Variants in MYOZ2 observed in about 807,000 individuals in gnomAD.
MYOZ2 encodes myozenin 2.
Under a neutral mutation model 25.4 loss-of-function variants are expected in MYOZ2, and 19 were observed. The ratio of observed to expected loss-of-function variants is 0.75; its 90% CI spans 0.52 to 1.10. MYOZ2 has a LOEUF of 1.10. Ranked by LOEUF, MYOZ2 falls within the 50% of genes least tolerant of loss-of-function variation. The pLI is 0.00. For synonymous variants in MYOZ2, 92 were observed against 106.9 expected (o/e 0.86, Z 0.86); for missense variants, 270 against 317.9 (o/e 0.85, Z 1.15).
At chr4:119,178,432 T>C (rs903124082) in intron 5 of MYOZ2, among the ~76,000 whole-genome samples, 1 of 152,152 alleles carries the variant, frequency 6.6e-6, no homozygotes, top group Non-Finnish European at 1.5e-5. Flanking sequence ...AAAATTAACA[T>C]GTCAAATGAA....
At chr4:119,141,307 T>C (rs186829985) in intron 2 of MYOZ2, among the ~76,000 whole-genome samples, 24 of 152,328 alleles carry the variant, frequency 1.6e-4, no homozygotes, top group African/African-American at 5.3e-4. Flanking sequence ...TGGATTAGAT[T>C]AACTCATCTA....
intron 2 of MYOZ2, among the ~76,000 whole-genome samples, chr4:119,145,783 TG>T (rs915942342): frequency 2.2e-4 from 34 of 152,250 alleles, no homozygotes; most frequent in African/African-American, 7.9e-4. Context: ...TATGTGACAT[TG>T]GTGATAATTG....
intron 2 of MYOZ2, among the ~76,000 whole-genome samples, chr4:119,143,530 A>G (rs1741219982): frequency 6.6e-6 from 1 of 152,180 alleles, no homozygotes; most frequent in East Asian, 1.9e-4. Context: ...TGGAAAGGAC[A>G]GACATTCAAA....
chr4:119,170,290 T>A (rs1454549955), intron 5 of MYOZ2, among the ~76,000 whole-genome samples: 1 of 151,998 alleles, frequency 6.6e-6, no homozygotes, highest in Non-Finnish European at 1.5e-5. Context: ...GTTGTTTTTT[T>A]TTTTTGTGGC....
intron 5 of MYOZ2, 148 bp downstream of exon 5, chr4:119,164,542 G>T: frequency 1.4e-6 from 1 of 707,230 alleles, no homozygotes; most frequent in Non-Finnish European, 2.3e-6. Flanking sequence ...TCTAAGCCTA[G>T]GCAAAGACTC....
intron 3 of MYOZ2, among the ~76,000 whole-genome samples, chr4:119,157,816 A>T (rs1247756194): frequency 1.3e-5 from 2 of 152,232 alleles, no homozygotes; most frequent in African/African-American, 2.4e-5. Context: ...GTCATCATAA[A>T]ATAGATCTTA....
chr4:119,152,661 A>C (rs547380190), intron 3 of MYOZ2, among the ~76,000 whole-genome samples: 1 of 152,104 alleles, frequency 6.6e-6, no homozygotes, highest in Non-Finnish European at 1.5e-5. Context: ...ACAATTTTTC[A>C]CTATTCCCTG....
At chr4:119,172,315 G>A (rs1741963134) in intron 5 of MYOZ2, among the ~76,000 whole-genome samples, 1 of 152,284 alleles carries the variant, frequency 6.6e-6, no homozygotes, top group Non-Finnish European at 1.5e-5. Flanking sequence ...GGAGACCAGA[G>A]TTTTATTATT....
intron 3 of MYOZ2, among the ~76,000 whole-genome samples, chr4:119,155,248 A>C (rs1291880773): frequency 6.6e-6 from 1 of 152,176 alleles, no homozygotes; most frequent in African/African-American, 2.4e-5. Context: ...CAACACTGGA[A>C]ATGAAATTTC....
At chr4:119,149,190 G>C (rs11098487) in intron 2 of MYOZ2, among the ~76,000 whole-genome samples, 1 of 151,996 alleles carries the variant, frequency 6.6e-6, no homozygotes, top group Non-Finnish European at 1.5e-5. Context: ...ATTGCTGGGA[G>C]AGGACAGGAG....
intron 4 of MYOZ2, among the ~76,000 whole-genome samples, chr4:119,160,945 G>A (rs200452762): frequency 8.0e-6 from 1 of 124,632 alleles, no homozygotes; most frequent in African/African-American, 3.0e-5. Context: ...ATAAATAACT[G>A]TATTATTCTT....
intron 2 of MYOZ2, among the ~76,000 whole-genome samples, chr4:119,140,931 G>A (rs888345130): frequency 1.3e-5 from 2 of 152,022 alleles, no homozygotes; most frequent in Non-Finnish European, 2.9e-5. Context: ...AATCACAGAT[G>A]GTATTCAAAA....
intron 3 of MYOZ2, among the ~76,000 whole-genome samples, chr4:119,155,499 T>A (rs893516920): frequency 6.6e-6 from 1 of 152,162 alleles, no homozygotes; most frequent in Admixed American, 6.6e-5. Context: ...ACGGAAATTC[T>A]AAGATGGGTC....
chr4:119,167,905 T>C (rs548268624), intron 5 of MYOZ2, among the ~76,000 whole-genome samples: 34 of 152,370 alleles, frequency 2.2e-4, no homozygotes, highest in African/African-American at 8.2e-4. Context: ...TTTCAATTTA[T>C]TACTCTTTAT....
intron 2 of MYOZ2, among the ~76,000 whole-genome samples, chr4:119,149,422 A>G (rs576032355): frequency 1.1e-3 from 163 of 152,340 alleles, no homozygotes; most frequent in Non-Finnish European, 2.1e-3. Flanking sequence ...GTGGTTGGCT[A>G]AAGTAGCGCA....
In MYOZ2 at chr4:119,151,162, A is replaced by ATT; in HGVS notation, c.246+130_246+131dup. 5.7e-6 allele frequency: 5 copies of ATT among 873,658 alleles called. No individual in the cohort carries two copies. In the East Asian group the frequency reaches 8.3e-5, roughly 14 times the overall value. 54.1% of individuals were successfully genotyped at this position (873,658 alleles called of 1,614,324 possible). ...TTCTTTCAATTTATTCTGTTAGGCTATTTTTTTTTTATCATAATGAATAGT... is the reference window on the plus strand; with the variant it reads ...TTCTTTCAATTTATTCTGTTAGGCTATTTTTTTTTTTTATCATAATGAATAGT... On this transcript the variant is annotated intron_variant, in intron 3 of 5. Coordinates refer to ENST00000307128, the MANE Select transcript of MYOZ2 (RefSeq NM_016599.5).
intron 5 of MYOZ2, among the ~76,000 whole-genome samples, chr4:119,182,295 A>G (rs561858863): frequency 1.1e-3 from 174 of 152,318 alleles, no homozygotes; most frequent in African/African-American, 4.1e-3. Flanking sequence ...CTTGAAGTAT[A>G]GTTGGCTTTA....
intron 5 of MYOZ2, among the ~76,000 whole-genome samples, chr4:119,168,719 A>G (rs1016808846): frequency 6.7e-6 from 1 of 149,976 alleles, no homozygotes; most frequent in Non-Finnish European, 1.5e-5. Context: ...ACAAAAAACC[A>G]CCTGAGCAGA....
chr4:119,181,475 C>T (rs1742183911), intron 5 of MYOZ2, among the ~76,000 whole-genome samples: 3 of 152,072 alleles, frequency 2.0e-5, no homozygotes, highest in Admixed American at 2.0e-4. Flanking sequence ...GTATGCCTTT[C>T]TTATGAAAAA....
Sources: allele counts gnomAD v4.1 joint callset (sites outside exome capture counted in the v4.1 genomes callset), GRCh38; gene constraint gnomAD v4.1.1; transcripts MANE v1.5; gene names NCBI Gene and HGNC (gene_info 2026-07-23, HGNC 2026-07-21).